KSR1: variants seen among roughly 807,000 people sequenced by gnomAD.
KSR1 encodes the protein kinase suppressor of ras 1, also known as kinase suppressor of ras.
A neutral mutation model predicts 92.9 loss-of-function variants in KSR1; 35 were observed. That is an observed-to-expected ratio of 0.38 (90% CI 0.29 to 0.50). KSR1 has a LOEUF of 0.50. KSR1 is among the 20% of genes least tolerant of loss of function. The probability of loss-of-function intolerance (pLI) is 0.94; values close to 1 mark genes in which losing one functional copy is unlikely to be tolerated. For synonymous variants in KSR1, 467 were observed against 472.6 expected, an observed-to-expected ratio of 0.99 and a Z score of 0.15; for missense variants, 972 against 1,158.5, an observed-to-expected ratio of 0.84 and a Z score of 2.34.
chr17:27,501,253 ATTTTCT>A (rs1490318879), intron 1 of KSR1, among the ~76,000 whole-genome samples: 2 of 89,358 alleles, frequency 2.2e-5, no homozygotes, highest in East Asian at 3.6e-4. Context: ...AGTTGTCCTA[ATTTTCT>A]TTTTCTTTTT....
chr17:27,593,439 GC>G (rs141934624), intron 9 of KSR1, among the ~76,000 whole-genome samples: 3,606 of 152,316 alleles, frequency 0.024, 82 homozygotes, highest in Non-Finnish European at 0.035. Context: ...CTTAGCGTGT[GC>G]CCCCCCGATG....
intron 2 of KSR1, among the ~76,000 whole-genome samples, chr17:27,574,602 A>G (rs1045267008): frequency 1.3e-5 from 2 of 152,218 alleles, no homozygotes; most frequent in African/African-American, 2.4e-5. Flanking sequence ...CAGCCTTGCT[A>G]TGGGAGAGAG....
chr17:27,482,232 C>T (rs758838903), intron 1 of KSR1, among the ~76,000 whole-genome samples: 1 of 151,744 alleles, frequency 6.6e-6, no homozygotes, highest in Non-Finnish European at 1.5e-5. Flanking sequence ...CAAGACCAGT[C>T]TGGACAACAT....
chr17:27,578,618 G>C (rs1048284908), intron 3 of KSR1: 1 of 152,258 alleles, frequency 6.6e-6, no homozygotes, highest in African/African-American at 2.4e-5. Flanking sequence ...TGAACCTTGG[G>C]CCCTGATGGC....
chr17:27,598,913 G>A (rs1023013104), intron 10 of KSR1, among the ~76,000 whole-genome samples: 2 of 152,092 alleles, frequency 1.3e-5, no homozygotes, highest in African/African-American at 2.4e-5. Context: ...GAGAAGGCAC[G>A]CCTCCTATCG....
At position 27,590,898 on chromosome 17, in the gene KSR1, A is replaced by T. The variant is rs1446630867; in HGVS notation, c.1130+4A>T. 6.3e-7 allele frequency: 1 copy of T among 1,595,376 alleles called. No individual in the cohort carries two copies. The highest frequency in any genetic ancestry group is 8.6e-7 in the Non-Finnish European group (1 of 1,167,848). ...GAGTGAAGTGCAAGCATTGCAGGTG[A>T]TGGGAAGAGGAGTGGGGGTGGGGGG... On this transcript the variant is annotated splice_donor_region_variant and intron_variant, in intron 7 of 20. Transcript: ENST00000644974.
chr17:27,557,060 C>G (rs1294194423), intron 2 of KSR1, among the ~76,000 whole-genome samples: 1 of 152,194 alleles, frequency 6.6e-6, no homozygotes, highest in Admixed American at 6.5e-5. Context: ...GGGAAAGGGA[C>G]TTCCCTTTGT....
intron 2 of KSR1, among the ~76,000 whole-genome samples, chr17:27,554,104 G>A (rs2071503092): frequency 6.6e-6 from 1 of 152,208 alleles, no homozygotes; most frequent in South Asian, 2.1e-4. Context: ...AATAGGTGCA[G>A]TATTCAGAAG....
In KSR1 at chr17:27,593,540, G is replaced by A. The variant is rs547076055; in HGVS notation, c.1299+914G>A. ...GGCAATGTGGCCAATTCATACTGGG[G>A]ACCCTGAAGATACAGCTTCAGTGGC... On this transcript the variant is annotated intron_variant, in intron 9 of 20. Transcript: ENST00000644974. 7.2e-5 allele frequency among the ~76,000 whole-genome samples: 11 copies of A among 152,362 alleles called. No homozygotes were observed. In the East Asian group the frequency reaches 7.7e-4, roughly 11 times the overall value.
At chr17:27,528,761 T>A (rs1027112502) in intron 1 of KSR1, among the ~76,000 whole-genome samples, 1 of 152,078 alleles carries the variant, frequency 6.6e-6, no homozygotes, top group Non-Finnish European at 1.5e-5. Context: ...AAAAGTTAGC[T>A]GGGTATAGTG....
In KSR1 at chr17:27,467,877, C is replaced by T. The variant is rs897875701; in HGVS notation, c.231+11003C>T. On this transcript the variant is annotated intron_variant, in intron 1 of 20. Transcript: ENST00000644974. Reference sequence around the variant, plus strand: ...CCAGGCTGTAGTTCCGTGGCGCAATCGTGGCTCACTGCAAGCTCTGCCTCC... The same window carrying T: ...CCAGGCTGTAGTTCCGTGGCGCAATTGTGGCTCACTGCAAGCTCTGCCTCC... 8.7e-5 allele frequency among the ~76,000 whole-genome samples: 13 copies of T among 149,850 alleles called. No individual in the cohort carries two copies. In the South Asian group the frequency reaches 2.3e-3, roughly 27 times the overall value.
At chr17:27,484,794 A>G (rs1459044662) in intron 1 of KSR1, among the ~76,000 whole-genome samples, 1 of 152,204 alleles carries the variant, frequency 6.6e-6, no homozygotes, top group African/African-American at 2.4e-5. Context: ...TGATCAGAAG[A>G]GCACGGAGGA....
intron 2 of KSR1, among the ~76,000 whole-genome samples, chr17:27,574,228 C>G (rs531215473): frequency 7.2e-4 from 109 of 152,324 alleles, no homozygotes; most frequent in Non-Finnish European, 1.3e-3. Context: ...GCAAAGATAT[C>G]CAAACCTCAT....
chr17:27,614,845 T>C (rs534322918), intron 18 of KSR1, among the ~76,000 whole-genome samples: 14 of 152,252 alleles, frequency 9.2e-5, no homozygotes, highest in African/African-American at 3.4e-4. Context: ...CTTTCTTTTG[T>C]CCAGTCTTGC....
At chr17:27,546,969 G>A (rs150643014) in intron 1 of KSR1, among the ~76,000 whole-genome samples, 51 of 152,264 alleles carry the variant, frequency 3.3e-4, no homozygotes, top group African/African-American at 1.2e-3. Flanking sequence ...ATGGGGTGCA[G>A]GAATGTCAGG....
At chr17:27,461,393 C>T (rs569588142) in intron 1 of KSR1, among the ~76,000 whole-genome samples, 1 of 152,300 alleles carries the variant, frequency 6.6e-6, no homozygotes, top group Admixed American at 6.5e-5. Context: ...GGGAAATATT[C>T]CCAGAGTCTT....
In KSR1 at chr17:27,583,099, C is replaced by T. The variant is rs368798861; in HGVS notation, c.974C>T (p.Ser325Leu). The change falls in exon 4 of 21, where the codon TCG becomes TTG. Residue 325 changes from serine to leucine, a missense_variant. Around this residue, in one of 5 missense-constraint regions of KSR1, gnomAD observed 611 missense variants for 668.0 expected, o/e 0.91. Transcript: ENST00000644974. ...QLGNRIDDVS[S>L]MRFDLSHGSP... The stretch of plus-strand genomic sequence containing the variant: ...GGGAACCGCATTGATGACGTCTCCT[C>T]GATGAGGTGAGTGCTCCTTCTGGGC... 44 of 1,549,974 alleles carry T rather than the reference C, an allele frequency of 2.8e-5. No individual in the cohort carries two copies. The East Asian group carries it at 5.5e-4, about 19-fold the overall frequency.
At chr17:27,462,763 C>T (rs2019509474) in intron 1 of KSR1, among the ~76,000 whole-genome samples, 1 of 152,206 alleles carries the variant, frequency 6.6e-6, no homozygotes, top group East Asian at 1.9e-4. Context: ...CAGTGAAAAT[C>T]ACCCATAATG....
chr17:27,512,616 G>A lies in KSR1; in HGVS notation c.232-37952G>A, dbSNP rs556622144. Among the ~76,000 whole-genome samples the A allele has an allele frequency of 3.9e-5, 6 of 152,272 alleles. No individual in the cohort carries two copies. The South Asian group carries it at 1.0e-3, about 26-fold the overall frequency. On this transcript the variant is annotated intron_variant, in intron 1 of 20. Transcript: ENST00000644974. ...CGTATGCTTGTAATGCCAGCTACTC[G>A]GGAGGCTGAAGCAAGAGAATTGCTT... is the stretch of plus-strand genomic sequence containing the variant.
Sources: gnomAD v4.1 joint callset for allele counts (sites outside exome capture counted in the v4.1 genomes callset) on GRCh38, gnomAD v4.1.1 for gene constraint, gnomAD v4.1.1 regional missense constraint, MANE v1.5 for transcripts, NCBI Gene and HGNC (gene_info 2026-07-23, HGNC 2026-07-21) for gene names.